Variants in CREM observed in about 807,000 individuals in gnomAD.
CREM encodes cAMP-responsive element modulator.
CREM carries 13 observed loss-of-function variants against 37.3 expected under a neutral mutation model. That is an observed-to-expected ratio of 0.35 (90% confidence interval 0.23 to 0.55). CREM has a LOEUF of 0.55. Among genes scored for constraint, CREM ranks in the 20% least tolerant of loss-of-function variants. The probability of loss-of-function intolerance (pLI) is 0.88; values close to 1 mark genes in which losing one functional copy is unlikely to be tolerated. For missense variants in CREM, 296 were observed against 362.3 expected, an observed-to-expected ratio of 0.82 and a Z score of 1.49; for synonymous variants, 124 against 120.2, an observed-to-expected ratio of 1.03 and a Z score of -0.21.
chr10:35,155,634 T>C (rs1022782200), intron 3 of CREM, among the ~76,000 whole-genome samples: 1 of 150,790 alleles, frequency 6.6e-6, no homozygotes, highest in African/African-American at 2.4e-5. Context: ...TTCTTTTCTT[T>C]TTTTTTTTGT....
chr10:35,208,952 G>A (rs537974260), intron 7 of CREM, among the ~76,000 whole-genome samples: 1 of 152,198 alleles, frequency 6.6e-6, no homozygotes, highest in Admixed American at 6.5e-5. Flanking sequence ...TATTTCTACT[G>A]TGTGTTTAAT....
At chr10:35,170,877 G>T (rs1290535125) in intron 3 of CREM, among the ~76,000 whole-genome samples, 1 of 152,174 alleles carries the variant, frequency 6.6e-6, no homozygotes, top group East Asian at 1.9e-4. Context: ...GGCCTAACCA[G>T]TGAGAATGTA....
rs190651290 is a variant in CREM, at chr10:35,163,936, C to T, written c.169-14953C>T. Among the ~76,000 whole-genome samples, 38 of 150,404 alleles carry T rather than the reference C, an allele frequency of 2.5e-4. No individual in the cohort carries two copies. The East Asian group carries it at 7.0e-3, about 28-fold the overall frequency. On this transcript the variant is annotated intron_variant, in intron 3 of 7. Coordinates refer to ENST00000685392, the MANE Select transcript of CREM (RefSeq NM_183011.2). ...AGGATCGCTTGAGCCTGGGAAGCTG[C>T]ACTGCACTCTAGCCTGGGTGACAGC...
At chr10:35,158,804 TTTTTGTTGTTTTGTTTG>T (rs1564838385) in intron 3 of CREM, among the ~76,000 whole-genome samples, 2 of 129,354 alleles carry the variant, frequency 1.5e-5, no homozygotes, top group African/African-American at 5.4e-5. Flanking sequence ...TAGTGTTTTT[TTTTTGTTGTTTTGTTTG>T]TTTTTTTTTT....
chr10:35,201,657 C>T (rs975523170), intron 6 of CREM, among the ~76,000 whole-genome samples: 1 of 151,728 alleles, frequency 6.6e-6, no homozygotes, highest in Non-Finnish European at 1.5e-5. Flanking sequence ...AAAAAAAATG[C>T]TTTCATGTCA....
chr10:35,204,194 C>A (rs1369082002), intron 6 of CREM, among the ~76,000 whole-genome samples: 1 of 152,186 alleles, frequency 6.6e-6, no homozygotes, highest in African/African-American at 2.4e-5. Flanking sequence ...TTAACTATCT[C>A]AAAGCTATAC....
intron 3 of CREM, among the ~76,000 whole-genome samples, chr10:35,163,325 T>A (rs1408151220): frequency 6.6e-6 from 1 of 152,072 alleles, no homozygotes; most frequent in Non-Finnish European, 1.5e-5. Context: ...TAAGTTGGTC[T>A]CCCCTGTCTT....
At chr10:35,157,878 C>T (rs2093015727) in intron 3 of CREM, among the ~76,000 whole-genome samples, 1 of 151,022 alleles carries the variant, frequency 6.6e-6, no homozygotes, top group African/African-American at 2.4e-5. Flanking sequence ...AGATCTAATA[C>T]ATGAATTCAC....
At chr10:35,199,628 C>T (rs1360663416) in intron 6 of CREM, among the ~76,000 whole-genome samples, 1 of 152,108 alleles carries the variant, frequency 6.6e-6, no homozygotes, top group East Asian at 1.9e-4. Flanking sequence ...AGTTTACAGG[C>T]ATTCTCACTG....
intron 2 of CREM, among the ~76,000 whole-genome samples, chr10:35,146,785 C>T (rs887160913): frequency 1.3e-5 from 2 of 152,078 alleles, no homozygotes; most frequent in Non-Finnish European, 2.9e-5. Context: ...CAGGTTTGAG[C>T]ATGGAAGGAT....
Position 35,188,268 on chromosome 10 carries a change from G to T in CREM, c.478G>T (p.Ala160Ser), listed in dbSNP as rs368864311. The T allele has an allele frequency of 6.2e-7, 1 of 1,614,018 alleles. No individual in the cohort carries two copies. The highest frequency in any genetic ancestry group is 1.3e-5 in the African/African-American group (1 of 74,904). Residue 160 changes from alanine (A) to serine (S), a missense_variant, in exon 6 of 8, where the codon GCA becomes TCA. Ala to Ser is a moderately conservative substitution (Grantham distance 99). This residue lies in a region of CREM where 257 missense variants were observed against 280.2 expected (regional missense o/e 0.92). Coordinates refer to ENST00000685392, the MANE Select transcript of CREM (RefSeq NM_183011.2). ...PGSDGVQGLQ[A>S]LTMTNSGAPP... Reference sequence around the variant, plus strand: ...ATCTGATGGTGTTCAGGGACTGCAGGCATTAACAATGACAAATTCAGGAGC... The same window carrying T: ...ATCTGATGGTGTTCAGGGACTGCAGTCATTAACAATGACAAATTCAGGAGC...
intron 6 of CREM, among the ~76,000 whole-genome samples, chr10:35,201,660 T>C (rs1322282172): frequency 6.6e-6 from 1 of 152,144 alleles, no homozygotes; most frequent in Non-Finnish European, 1.5e-5. Context: ...AAAAATGCTT[T>C]CATGTCAGGA....
intron 7 of CREM, among the ~76,000 whole-genome samples, chr10:35,210,989 TGTG>T (rs1316274969): frequency 3.9e-5 from 6 of 152,242 alleles, no homozygotes; most frequent in Non-Finnish European, 8.8e-5. Flanking sequence ...TGAAAACAGT[TGTG>T]GGCATTGTTA....
At position 35,148,371 on chromosome 10, in the gene CREM, A is replaced by T; in HGVS notation, c.48A>T (p.Gln16His). ...TTCCTTTTTATTGTCTTTTCAGACA[A>T]ATGACCATGGAAACAGTTGAATCCC... ...RKKYIKTNPR[Q>H]MTMETVESQH... is the part of the protein sequence containing the mutation. Residue 16 changes from glutamine to histidine, a missense_variant, in exon 3 of 8, where the codon CAA becomes CAT. By Grantham distance (24) the Gln-to-His change is conservative. This residue lies in a region of CREM where 257 missense variants were observed against 280.2 expected (regional missense o/e 0.92). Coordinates refer to ENST00000685392, the MANE Select transcript of CREM (RefSeq NM_183011.2). 6.2e-7 allele frequency: 1 copy of T among 1,610,112 alleles called. No homozygotes were observed. Among genetic ancestry groups the T allele is most frequent in the South Asian group, 1.1e-5 (1 of 90,126 alleles).
intron 5 of CREM, among the ~76,000 whole-genome samples, chr10:35,186,222 G>A (rs551953378): frequency 3.9e-5 from 6 of 152,234 alleles, no homozygotes; most frequent in East Asian, 3.9e-4. Context: ...TTTGAAGCAT[G>A]CAGTTGGAAT....
At chr10:35,181,502 C>T (rs1354400098) in intron 5 of CREM, among the ~76,000 whole-genome samples, 1 of 152,152 alleles carries the variant, frequency 6.6e-6, no homozygotes, top group African/African-American at 2.4e-5. Flanking sequence ...TTAAACCTCA[C>T]TCTGTGTGTC....
In CREM at chr10:35,206,931, C is replaced by T; in HGVS notation, c.635C>T (p.Ala212Val). The part of the protein sequence containing the change: ...TGDMPTYQIR[A>V]PTAALPQGVV... The stretch of plus-strand genomic sequence containing the variant: ...GACATGCCAACTTACCAGATCCGAG[C>T]TCCTACTGCTGCTTTGCCACAGGGA... The change falls in exon 7 of 8, where the codon GCT (alanine) becomes GTT (valine). Residue 212 changes from alanine to valine, a missense_variant. Ala to Val is a moderately conservative substitution (Grantham distance 64). Around this residue, in one of 2 missense-constraint regions of CREM, gnomAD observed 257 missense variants for 280.2 expected, o/e 0.92. Coordinates refer to ENST00000685392, the MANE Select transcript of CREM (RefSeq NM_183011.2). The T allele has an allele frequency of 6.2e-7, 1 of 1,613,926 alleles. No homozygotes were observed. Among genetic ancestry groups the T allele is most frequent in the Non-Finnish European group, 8.5e-7 (1 of 1,180,008 alleles).
chr10:35,196,864 A>ATTTTTTTT (rs1564957666), intron 6 of CREM, among the ~76,000 whole-genome samples: 2 of 108,920 alleles, frequency 1.8e-5, no homozygotes, highest in African/African-American at 3.4e-5. Flanking sequence ...AACGCTGTGT[A>ATTTTTTTT]CTTTTTTTTT....
intron 6 of CREM, among the ~76,000 whole-genome samples, chr10:35,205,044 T>A (rs1303263855): frequency 1.3e-5 from 2 of 152,234 alleles, no homozygotes; most frequent in Non-Finnish European, 2.9e-5. Context: ...TCTTTTTTCT[T>A]GCACTTAGCT....
Sources: allele counts gnomAD v4.1 joint callset (sites outside exome capture counted in the v4.1 genomes callset), GRCh38; gene constraint gnomAD v4.1.1; regional missense constraint gnomAD v4.1.1; transcripts MANE v1.5; gene names NCBI Gene and HGNC (gene_info 2026-07-23, HGNC 2026-07-21).